The following OVCH1 variants were observed in gnomAD, a reference collection of about 807,000 sequenced individuals.
OVCH1 encodes the protein ovochymase 1.
OVCH1 carries 139 observed loss-of-function variants against 138.4 expected under a neutral mutation model. The ratio of observed to expected loss-of-function variants is 1.00; its 90% CI spans 0.87 to 1.16. The LOEUF is 1.16. OVCH1 is among the 50% of genes most tolerant of loss of function. The pLI is 0.00. For missense variants in OVCH1, 1,367 were observed against 1,357.9 expected (o/e 1.01, Z -0.11); for synonymous variants, 453 against 467.8 (o/e 0.97, Z 0.41).
intron 22 of OVCH1, among the ~76,000 whole-genome samples, chr12:29,448,323 G>A (rs1030143102): frequency 1.1e-4 from 16 of 151,358 alleles, no homozygotes; most frequent in South Asian, 4.2e-4. Flanking sequence ...TCTGCGGCCC[G>A]GGGGTTGGGG....
intron 3 of OVCH1, 82 bp from the exon 4 acceptor site, chr12:29,495,539 G>C: frequency 1.6e-6 from 2 of 1,249,834 alleles, no homozygotes; most frequent in Admixed American, 2.5e-5. Context: ...AATGAAAAGT[G>C]ATTAATGTAT....
downstream of OVCH1, among the ~76,000 whole-genome samples, chr12:29,426,621 A>C (rs765419960): frequency 1.3e-5 from 2 of 152,128 alleles, no homozygotes; most frequent in Non-Finnish European, 2.9e-5. Flanking sequence ...ATCTCCATAA[A>C]TGCTTTCTCC....
chr12:29,490,774 A>G (rs1943251602), intron 5 of OVCH1, among the ~76,000 whole-genome samples: 1 of 152,190 alleles, frequency 6.6e-6, no homozygotes, highest in African/African-American at 2.4e-5. Context: ...ACTTTTCAAA[A>G]AAGTCACAAT....
At chr12:29,446,310 C>T (rs1176888842) in intron 22 of OVCH1, among the ~76,000 whole-genome samples, 1 of 152,042 alleles carries the variant, frequency 6.6e-6, no homozygotes, top group East Asian at 1.9e-4. Context: ...GAAGAAAAAG[C>T]ATTCGTTGGC....
intron 21 of OVCH1, 83 bp from the exon 22 acceptor site, chr12:29,451,652 C>T: frequency 9.0e-7 from 1 of 1,106,014 alleles, no homozygotes; most frequent in Non-Finnish European, 1.3e-6. Context: ...ACTGAAAAAT[C>T]TAGGCTTGCA....
chr12:29,472,070 A>G (rs1428445560), intron 15 of OVCH1, 88 bp from the exon 16 acceptor site: 2 of 1,263,922 alleles, frequency 1.6e-6, no homozygotes, highest in South Asian at 1.6e-5. Context: ...AACAGTAGTG[A>G]TTCTCAAACA....
At chr12:29,465,616 T>C (rs555092994) in intron 16 of OVCH1, among the ~76,000 whole-genome samples, 1 of 152,226 alleles carries the variant, frequency 6.6e-6, no homozygotes, top group African/African-American at 2.4e-5. Flanking sequence ...CCCTGTCCCA[T>C]TGCCTCTGCG....
At chr12:29,404,011 T>C in the OVCH1 span, among the ~76,000 whole-genome samples, 1 of 152,230 alleles carries the variant, frequency 6.6e-6, no homozygotes, top group Non-Finnish European at 1.5e-5. Flanking sequence ...ATGTTTAATA[T>C]TGAATGTACA....
At chr12:29,450,933 G>T (rs565346548) in intron 22 of OVCH1, among the ~76,000 whole-genome samples, 2 of 147,218 alleles carry the variant, frequency 1.4e-5, no homozygotes, top group African/African-American at 5.0e-5. Context: ...ACCAAACACC[G>T]CATGTTCTCA....
chr12:29,464,439 T>C lies in OVCH1; in HGVS notation c.2125+68A>G, dbSNP rs1427518381. On this transcript the variant is annotated intron_variant, in intron 18 of 27. Coordinates refer to ENST00000318184, the Ensembl canonical transcript of OVCH1. ...GGGCTGAAGCGGATGCTGCTTGATA[T>C]CATTTACATGACCTATTTTCAAAAA... is the stretch of plus-strand genomic sequence containing the variant. 2.0e-6 allele frequency: 3 copies of C among 1,494,562 alleles called. No homozygotes were observed. In the South Asian group the frequency reaches 3.6e-5, roughly 18 times the overall value. The allele number at this position is 1,494,562 out of a possible 1,614,324, so 92.6% of individuals were successfully genotyped here. A position where few individuals can be genotyped will look rare whatever the true frequency, so the allele number is the denominator to read the frequency against.
At chr12:29,471,039 T>C (rs1942489958) in intron 16 of OVCH1, among the ~76,000 whole-genome samples, 1 of 152,162 alleles carries the variant, frequency 6.6e-6, no homozygotes, top group Non-Finnish European at 1.5e-5. Context: ...TCTGTTCATA[T>C]CCTTTGCCCA....
exon 16 of OVCH1, chr12:29,471,840 G>T (rs1456751544): frequency 6.2e-7 from 1 of 1,612,754 alleles, no homozygotes; most frequent in Non-Finnish European, 8.5e-7. Flanking sequence ...TCCACACTGG[G>T]TTGATGATGG....
downstream of OVCH1, among the ~76,000 whole-genome samples, chr12:29,422,791 G>A (rs1314969776): frequency 6.6e-6 from 1 of 152,124 alleles, no homozygotes; most frequent in African/African-American, 2.4e-5. Flanking sequence ...TAGCTACTTG[G>A]TAGAAGAGAT....
rs1247965958 is a variant in OVCH1 at position 29,436,004 on chromosome 12, T to G, written c.3265-2191A>C. 2.6e-5 allele frequency among the ~76,000 whole-genome samples: 4 copies of G among 152,218 alleles called. No homozygotes were observed. The East Asian group carries it at 7.7e-4, about 29-fold the overall frequency. ...TTAAACATATTGATCTTTTTAGACC[T>G]GTATTTCATTTACTTTTTAAACAAA... On this transcript the variant is annotated intron_variant, in intron 26 of 27. Transcript: ENST00000318184.
chr12:29,439,798 C>A (rs1218468371), intron 25 of OVCH1, among the ~76,000 whole-genome samples, 55 bp downstream of exon 26: 1 of 152,180 alleles, frequency 6.6e-6, no homozygotes, highest in Non-Finnish European at 1.5e-5. Flanking sequence ...ACGATCCCCT[C>A]CTCAGGTTTG....
chr12:29,451,334 G>A lies in OVCH1; in HGVS notation c.2755+11C>T. 1.2e-6 allele frequency: 2 copies of A among 1,605,404 alleles called. No individual in the cohort carries two copies. The highest frequency in any genetic ancestry group is 2.2e-5 in the South Asian group (2 of 90,466). ...CTCCTAGCACGAAGTTTATATGCCA[G>A]GAAGGATTACCTGCCGTCTTTCTCT... On this transcript the variant is annotated intron_variant, in intron 22 of 27. Transcript: ENST00000318184.
At chr12:29,443,251 G>C in intron 25 of OVCH1, 110 bp downstream of exon 25, 1 of 1,044,424 alleles carries the variant, frequency 9.6e-7, no homozygotes, top group Non-Finnish European at 1.3e-6. Flanking sequence ...CATCCTATAA[G>C]AAGAGACTAG....
downstream of OVCH1, among the ~76,000 whole-genome samples, chr12:29,410,346 G>A (rs1230703632): frequency 6.6e-6 from 1 of 151,186 alleles, no homozygotes; most frequent in African/African-American, 2.4e-5. Flanking sequence ...ATTTGATCCT[G>A]TCATTATGAT....
intron 27 of OVCH1, among the ~76,000 whole-genome samples, chr12:29,432,610 G>A (rs186150880): frequency 6.6e-6 from 1 of 152,140 alleles, no homozygotes; most frequent in African/African-American, 2.4e-5. Context: ...CAGTGCTAGT[G>A]TTCAATAAAG....
Sources: gnomAD v4.1 joint callset for allele counts (sites outside exome capture counted in the v4.1 genomes callset) on GRCh38, gnomAD v4.1.1 for gene constraint, MANE v1.5 for transcripts, NCBI Gene and HGNC (gene_info 2026-07-23, HGNC 2026-07-21) for gene names.